Variants in ATL2 observed in about 807,000 individuals in gnomAD.
ATL2 encodes atlastin GTPase 2.
Under a neutral mutation model 73.9 loss-of-function variants are expected in ATL2, and 31 were observed. The observed-to-expected ratio is 0.42, with a 90% CI of 0.32 to 0.57. ATL2 has a LOEUF of 0.57. Among genes scored for constraint, ATL2 ranks in the 20% least tolerant of loss-of-function variants. The pLI is 0.14. For synonymous variants in ATL2, 291 were observed against 237.5 expected, an observed-to-expected ratio of 1.23 and a Z score of -2.07; for missense variants, 738 against 702.6, an observed-to-expected ratio of 1.05 and a Z score of -0.57.
chr2:38,340,328 T>C (rs535210868), intron 2 of ATL2, among the ~76,000 whole-genome samples: 6 of 152,092 alleles, frequency 3.9e-5, no homozygotes, highest in African/African-American at 1.4e-4. Flanking sequence ...ATGTAAATTA[T>C]ACTTCAAAGG....
At chr2:38,362,507 C>T (rs999983099) in intron 1 of ATL2, among the ~76,000 whole-genome samples, 9 of 152,112 alleles carry the variant, frequency 5.9e-5, no homozygotes, top group Admixed American at 5.9e-4. Context: ...ATTCTTAGAC[C>T]CCACCTCCAG....
chr2:38,327,244 G>A (rs552508375), intron 2 of ATL2, among the ~76,000 whole-genome samples: 5 of 151,942 alleles, frequency 3.3e-5, no homozygotes, highest in Non-Finnish European at 2.9e-5. Flanking sequence ...GGATAATAAG[G>A]TAAAATAAAA....
At chr2:38,354,312 C>G in intron 1 of ATL2, 1 of 249,532 alleles carries the variant, frequency 4.0e-6, no homozygotes, top group South Asian at 3.4e-5. Context: ...GATCTGAATC[C>G]AAAATAGTAA....
chr2:38,300,649 C>A (rs1054138062), intron 9 of ATL2, among the ~76,000 whole-genome samples: 1 of 151,836 alleles, frequency 6.6e-6, no homozygotes, highest in African/African-American at 2.4e-5. Context: ...TTTTAAAAAA[C>A]TTTTTTTTCT....
chr2:38,345,831 T>C (rs1195890953), intron 1 of ATL2, among the ~76,000 whole-genome samples: 1 of 152,242 alleles, frequency 6.6e-6, no homozygotes, highest in Non-Finnish European at 1.5e-5. Context: ...ACTTAACTTC[T>C]CTGCACCTGT....
At chr2:38,308,125 A>G (rs985210075) in intron 9 of ATL2, among the ~76,000 whole-genome samples, 3 of 152,256 alleles carry the variant, frequency 2.0e-5, no homozygotes, top group Non-Finnish European at 2.9e-5. Flanking sequence ...AAAGAAAAAA[A>G]TCAGTATATA....
At chr2:38,345,745 C>A (rs1215391972) in intron 1 of ATL2, among the ~76,000 whole-genome samples, 11 of 152,144 alleles carry the variant, frequency 7.2e-5, no homozygotes, top group Non-Finnish European at 1.6e-4. Flanking sequence ...AAACAGGATG[C>A]AAACGGTATA....
Position 38,343,476 on chromosome 2 carries a change from T to C in ATL2, c.155A>G (p.Asp52Gly), listed in dbSNP as rs1669847063. 4 of 1,609,028 alleles carry C rather than the reference T, an allele frequency of 2.5e-6. No individual in the cohort carries two copies. Among genetic ancestry groups the C allele is most frequent in the Non-Finnish European group, 3.4e-6 (4 of 1,177,010 alleles). ...NYEDDDLVNS[D>G]EVMKKPCPVQ... ...TGGACATGGTTTCTTCATAACCTCATCAGAATTTACTAGGTCATCATCTTC... is the reference window on the plus strand; with the variant it reads ...TGGACATGGTTTCTTCATAACCTCACCAGAATTTACTAGGTCATCATCTTC... The change falls in exon 2 of 13, where the codon GAT becomes GGT. Residue 52 changes from aspartate (D) to glycine (G), a missense_variant. Transcript: ENST00000378954.
intron 2 of ATL2, among the ~76,000 whole-genome samples, chr2:38,330,823 C>T (rs1668945056): frequency 6.6e-6 from 1 of 152,174 alleles, no homozygotes; most frequent in South Asian, 2.1e-4. Context: ...TCAGATTCAA[C>T]CAATCACTGA....
intron 1 of ATL2, among the ~76,000 whole-genome samples, chr2:38,370,697 T>G (rs1441237580): frequency 2.0e-5 from 3 of 151,620 alleles, no homozygotes. Flanking sequence ...AACCCAGAGG[T>G]GGAGGTTGCA....
intron 2 of ATL2, among the ~76,000 whole-genome samples, chr2:38,333,246 G>A (rs1669106412): frequency 6.6e-6 from 1 of 152,052 alleles, no homozygotes; most frequent in South Asian, 2.1e-4. Flanking sequence ...CTGTGATTGT[G>A]CCTCTTCACT....
rs2148392285 is a variant in ATL2, at chr2:38,294,741, T to C, written c.*1253A>G. On this transcript the variant is annotated 3_prime_UTR_variant, in exon 13 of 13. Coordinates refer to ENST00000378954, the MANE Select transcript of ATL2 (RefSeq NM_001135673.4). ...GAGACAGACACAGAAAAGTAACTTT[T>C]TACAAGCTTAGTTTTGAGGTACAAT... 6.6e-6 allele frequency: 1 copy of C among 152,200 alleles called. No individual in the cohort carries two copies. The allele number at this position is 152,200 out of a possible 1,614,324, so 9.4% of individuals were successfully genotyped here. A position where few individuals can be genotyped will look rare whatever the true frequency, so the allele number is the denominator to read the frequency against.
chr2:38,338,428 T>C (rs1669500529), intron 2 of ATL2, among the ~76,000 whole-genome samples: 1 of 152,148 alleles, frequency 6.6e-6, no homozygotes, highest in African/African-American at 2.4e-5. Context: ...GTAACAAACC[T>C]GCACATATAG....
rs1048043226 is a variant in ATL2 at position 38,294,284 on chromosome 2, C to T, written c.*1710G>A. Among the ~76,000 whole-genome samples the T allele has an allele frequency of 6.6e-6, 1 of 152,236 alleles. No homozygotes were observed. Among genetic ancestry groups the T allele is most frequent in the Non-Finnish European group, 1.5e-5 (1 of 68,038 alleles). ...AAACTAAGGGCCGGGCGCGGTGGCT[C>T]ACGCCTGTAATCCCAACACTTTGGG... On this transcript the variant is annotated 3_prime_UTR_variant, in exon 13 of 13. Transcript: ENST00000378954.
chr2:38,354,822 G>C (rs148257521), intron 1 of ATL2, among the ~76,000 whole-genome samples: 3 of 152,070 alleles, frequency 2.0e-5, no homozygotes, highest in Non-Finnish European at 4.4e-5. Context: ...CCCAGGAGGC[G>C]GAGGTTGCAG....
chr2:38,295,035 A>T lies in ATL2; in HGVS notation c.*959T>A, dbSNP rs1321270648. 6.6e-6 allele frequency: 1 copy of T among 151,834 alleles called. No individual in the cohort carries two copies. The highest frequency in any genetic ancestry group is 2.4e-5 in the African/African-American group (1 of 41,242). The allele number at this position is 151,834 out of a possible 1,614,324, so 9.4% of individuals were successfully genotyped here. On this transcript the variant is annotated 3_prime_UTR_variant, in exon 13 of 13. Coordinates refer to ENST00000378954, the MANE Select transcript of ATL2 (RefSeq NM_001135673.4). ...GGGTGAGATTGCAGTGCTCAAGATA[A>T]ATATCACAAATATATCAAAAACTTC... is the stretch of plus-strand genomic sequence containing the variant.
intron 1 of ATL2, among the ~76,000 whole-genome samples, chr2:38,375,449 G>A (rs986123270): frequency 2.0e-5 from 3 of 152,086 alleles, no homozygotes; most frequent in African/African-American, 7.2e-5. Context: ...GCAGACAAAA[G>A]CATTTATTAA....
intron 1 of ATL2, among the ~76,000 whole-genome samples, chr2:38,349,189 C>G (rs533849975): frequency 6.6e-6 from 1 of 152,118 alleles, no homozygotes; most frequent in East Asian, 1.9e-4. Flanking sequence ...ACCCAAAGGA[C>G]TATAAATCAT....
chr2:38,310,107 G>C (rs1422999553), intron 8 of ATL2, among the ~76,000 whole-genome samples: 1 of 152,178 alleles, frequency 6.6e-6, no homozygotes, highest in African/African-American at 2.4e-5. Flanking sequence ...TTATAAAATA[G>C]GTTAATCAAT....
Sources: gnomAD v4.1 joint callset for allele counts (sites outside exome capture counted in the v4.1 genomes callset) on GRCh38, gnomAD v4.1.1 for gene constraint, MANE v1.5 for transcripts, NCBI Gene and HGNC (gene_info 2026-07-23, HGNC 2026-07-21) for gene names.